The following ZNF717 variants were observed in gnomAD, a reference collection of about 807,000 sequenced individuals.
ZNF717 encodes the protein krueppel-like factor X17.
Under a neutral mutation model 13.8 loss-of-function variants are expected in ZNF717, and 9 were observed. That is an observed-to-expected ratio of 0.65 (90% CI 0.39 to 1.14). The LOEUF is 1.14. ZNF717 is among the 50% of genes most tolerant of loss of function. ZNF717 has a pLI of 0.01. For missense variants in ZNF717, 1,040 were observed against 1,080.7 expected, an observed-to-expected ratio of 0.96 and a Z score of 0.53; for synonymous variants, 327 against 364.1, an observed-to-expected ratio of 0.90 and a Z score of 1.16.
chr3:75,773,016 T>C (rs571119876), intron 2 of ZNF717, among the ~76,000 whole-genome samples: 14 of 152,342 alleles, frequency 9.2e-5, no homozygotes, highest in Admixed American at 3.9e-4. Flanking sequence ...AGGATCAGAT[T>C]TGATCCAGTA....
At chr3:75,707,601 T>C (rs1196903300), downstream of ZNF717, among the ~76,000 whole-genome samples, 2 of 152,212 alleles carry the variant, frequency 1.3e-5, no homozygotes, top group African/African-American at 4.8e-5. Flanking sequence ...AGACAGTGGG[T>C]GCAGGACAGT....
intron 2 of ZNF717, among the ~76,000 whole-genome samples, chr3:75,755,101 A>G (rs986366189): frequency 1.3e-5 from 2 of 152,208 alleles, no homozygotes; most frequent in African/African-American, 4.8e-5. Context: ...CACTGAAACC[A>G]CCCTTCAAAA....
intron 6 of ZNF717, among the ~76,000 whole-genome samples, chr3:75,702,489 C>A (rs1193470534): frequency 5.9e-5 from 2 of 33,650 alleles, no homozygotes; most frequent in Admixed American, 6.1e-4. Flanking sequence ...AGTGACGGAA[C>A]AGGGGGATAG....
chr3:75,747,680 A>G (rs1941308432), intron 2 of ZNF717, among the ~76,000 whole-genome samples: 4 of 152,116 alleles, frequency 2.6e-5, no homozygotes, highest in Admixed American at 2.0e-4. Context: ...TTGGTGTATA[A>G]GAATGCTTGT....
At chr3:75,747,500 T>C (rs1324008554) in intron 2 of ZNF717, among the ~76,000 whole-genome samples, 2 of 152,198 alleles carry the variant, frequency 1.3e-5, no homozygotes, top group African/African-American at 4.8e-5. Context: ...GAGCATGCAA[T>C]GTTCTTCTAC....
rs74861398 is a variant in ZNF717 at position 75,738,313 on chromosome 3, C to T, written c.1310G>A (p.Arg437Lys). ...GTGTGTTCTCTGATGGACAGTAAGC[C>T]TTGACTTATGGCTAAATGCTTCTTC... The part of the protein sequence containing the change: ...HCEEAFSHKS[R>K]LTVHQRTHTG... Residue 437 changes from arginine to lysine, a missense_variant, in exon 5 of 5, where the codon AGG (arginine) becomes AAG (lysine). Transcript: ENST00000652011. 5.8e-6 allele frequency: 9 copies of T among 1,542,894 alleles called. No homozygotes were observed. The East Asian group carries it at 9.9e-5, about 17-fold the overall frequency.
At chr3:75,711,627 C>T (rs1937940226) in intron 5 of ZNF717, among the ~76,000 whole-genome samples, 1 of 151,956 alleles carries the variant, frequency 6.6e-6, no homozygotes, top group Admixed American at 6.6e-5. Flanking sequence ...GAAATCCCAT[C>T]TCTATAAAAA....
At chr3:75,742,353 C>A (rs1394807862) in intron 2 of ZNF717, among the ~76,000 whole-genome samples, 1 of 140,098 alleles carries the variant, frequency 7.1e-6, no homozygotes, top group Non-Finnish European at 1.5e-5. Flanking sequence ...TAAAATTCTA[C>A]TCCTCAAAGG....
downstream of ZNF717, among the ~76,000 whole-genome samples, chr3:75,707,306 A>G (rs1351548046): frequency 1.3e-5 from 2 of 152,156 alleles, no homozygotes; most frequent in Admixed American, 6.5e-5. Flanking sequence ...TCCCCTTACA[A>G]TACTCCCATG....
chr3:75,774,899 G>A (rs141110143), intron 2 of ZNF717, among the ~76,000 whole-genome samples: 2,337 of 152,086 alleles, frequency 0.015, 12 homozygotes, highest in Middle Eastern at 0.041. Flanking sequence ...GATTACAGGC[G>A]TGAGCCACTG....
chr3:75,785,259 G>A (rs1945079005), intron 1 of ZNF717, 125 bp downstream of exon 1: 1 of 152,306 alleles, frequency 6.6e-6, no homozygotes, highest in South Asian at 2.1e-4. Context: ...ACAGGAGCGC[G>A]GCCTGCAGAC....
chr3:75,731,617 T>C (rs1324326609), downstream of ZNF717, among the ~76,000 whole-genome samples: 2 of 150,882 alleles, frequency 1.3e-5, no homozygotes, highest in African/African-American at 2.4e-5. Flanking sequence ...TAACAACACA[T>C]GAAAAGCTGA....
intron 2 of ZNF717, among the ~76,000 whole-genome samples, chr3:75,743,666 T>A (rs1488952501): frequency 2.0e-5 from 3 of 152,126 alleles, no homozygotes; most frequent in African/African-American, 7.2e-5. Context: ...GGACATGGAG[T>A]GTAAGAATAC....
chr3:75,779,299 A>G (rs1397411122), intron 2 of ZNF717, among the ~76,000 whole-genome samples: 2 of 151,194 alleles, frequency 1.3e-5, no homozygotes, highest in Admixed American at 6.6e-5. Context: ...GTGATCTGCT[A>G]AAACCAGAAA....
intron 2 of ZNF717, among the ~76,000 whole-genome samples, chr3:75,759,622 G>A (rs138452796): frequency 2.0e-3 from 305 of 151,910 alleles, no homozygotes; most frequent in African/African-American, 6.9e-3. Context: ...AGGGAGGAGC[G>A]CAGTGGCACT....
chr3:75,742,544 T>G (rs1940612352), intron 2 of ZNF717, among the ~76,000 whole-genome samples: 1 of 47,384 alleles, frequency 2.1e-5, no homozygotes, highest in East Asian at 9.2e-4. Context: ...CTCTTCCACA[T>G]GAACCATGAA....
At chr3:75,758,165 C>T (rs1942662480) in intron 2 of ZNF717, among the ~76,000 whole-genome samples, 1 of 149,718 alleles carries the variant, frequency 6.7e-6, no homozygotes, top group African/African-American at 2.5e-5. Context: ...CAAGATTATT[C>T]CAACCCTCAC....
At chr3:75,778,427 C>T (rs1257243173) in intron 2 of ZNF717, among the ~76,000 whole-genome samples, 4 of 147,548 alleles carry the variant, frequency 2.7e-5, no homozygotes, top group Non-Finnish European at 4.4e-5. Flanking sequence ...GTGCTAAAAC[C>T]GGAACCCAAA....
chr3:75,734,463 C>T (rs1420610550), downstream of ZNF717, among the ~76,000 whole-genome samples: 15 of 148,212 alleles, frequency 1.0e-4, no homozygotes, highest in Middle Eastern at 3.5e-3. Context: ...GATGGAGTCT[C>T]ACTCTGTCAC....
Sources: gnomAD v4.1 joint callset for allele counts (sites outside exome capture counted in the v4.1 genomes callset) on GRCh38, gnomAD v4.1.1 for gene constraint, MANE v1.5 for transcripts, NCBI Gene and HGNC (gene_info 2026-07-23, HGNC 2026-07-21) for gene names.